JAZF1: variants seen among roughly 807,000 people sequenced by gnomAD.
JAZF1 encodes JAZF zinc finger 1, also known as juxtaposed with another zinc finger protein 1.
JAZF1 carries 8 observed loss-of-function variants against 26.4 expected under a neutral mutation model. That is an observed-to-expected ratio of 0.30 (90% CI 0.18 to 0.55). The LOEUF is 0.55. JAZF1 is among the 20% of genes least tolerant of loss of function. The pLI is 0.94. For missense variants in JAZF1, 199 were observed against 322.0 expected (o/e 0.62, Z 2.92); for synonymous variants, 126 against 122.3 (o/e 1.03, Z -0.20).
chr7:28,131,115 T>C (rs1347931020), intron 1 of JAZF1, among the ~76,000 whole-genome samples: 1 of 152,154 alleles, frequency 6.6e-6, no homozygotes, highest in Non-Finnish European at 1.5e-5. Context: ...TTCTGGAGCT[T>C]TTAACTTAAT....
Position 28,180,603 on chromosome 7 carries a change from T to G in JAZF1, c.-26A>C, listed in dbSNP as rs781079284. 2.2e-5 allele frequency: 33 copies of G among 1,500,412 alleles called. No individual in the cohort carries two copies. The highest frequency in any genetic ancestry group is 2.8e-5 in the Non-Finnish European group (31 of 1,110,276). 92.9% of individuals were successfully genotyped at this position (1,500,412 alleles called of 1,614,324 possible). ...GGTGCTACATCGAGAGCCCCCCTGGTGTCGGCTCTGCGAGCGCCGGGCGGG... is the reference window on the plus strand; with the variant it reads ...GGTGCTACATCGAGAGCCCCCCTGGGGTCGGCTCTGCGAGCGCCGGGCGGG... On this transcript the variant is annotated 5_prime_UTR_variant, in exon 1 of 5. Transcript: ENST00000283928.
chr7:28,083,987 T>G (rs1008377301), intron 1 of JAZF1, among the ~76,000 whole-genome samples: 1 of 152,074 alleles, frequency 6.6e-6, no homozygotes, highest in African/African-American at 2.4e-5. Context: ...AATAGTGAAA[T>G]AGCTTGTTTC....
chr7:27,987,108 G>C (rs142535304), intron 2 of JAZF1, among the ~76,000 whole-genome samples: 1 of 151,556 alleles, frequency 6.6e-6, no homozygotes, highest in African/African-American at 2.4e-5. Context: ...GTCTCTGCCT[G>C]GCCACCCATC....
chr7:28,028,798 G>A (rs1783134833), intron 1 of JAZF1, among the ~76,000 whole-genome samples: 1 of 152,174 alleles, frequency 6.6e-6, no homozygotes, highest in Non-Finnish European at 1.5e-5. Context: ...GGATGCAAAA[G>A]TGAATTAAGT....
chr7:28,009,916 T>G (rs1364420734), intron 1 of JAZF1, among the ~76,000 whole-genome samples: 1 of 152,254 alleles, frequency 6.6e-6, no homozygotes, highest in African/African-American at 2.4e-5. Context: ...ATGTCATGTG[T>G]TAAGTCCACT....
At chr7:28,011,550 A>G (rs188557241) in intron 1 of JAZF1, among the ~76,000 whole-genome samples, 3 of 152,360 alleles carry the variant, frequency 2.0e-5, no homozygotes, top group Admixed American at 2.0e-4. Flanking sequence ...TGGGCTTGGT[A>G]AACATTTACG....
In JAZF1 at chr7:27,902,744, C is replaced by T. The variant is rs149631736; in HGVS notation, c.189-7328G>A. Among the ~76,000 whole-genome samples, 85 of 152,254 alleles carry T rather than the reference C, an allele frequency of 5.6e-4. No homozygotes were observed. In the East Asian group the frequency reaches 0.016, roughly 28 times the overall value. On this transcript the variant is annotated intron_variant, in intron 2 of 4. Transcript: ENST00000283928. ...AAAGAAGTGATTAACATGCTGGGCA[C>T]GGTGGCTCACGCCTGTAATCCCAGC...
At chr7:27,892,197 G>A (rs977614163) in intron 3 of JAZF1, among the ~76,000 whole-genome samples, 1 of 152,182 alleles carries the variant, frequency 6.6e-6, no homozygotes, top group Non-Finnish European at 1.5e-5. Flanking sequence ...GTACGTGGTA[G>A]GGGTTTAAGA....
chr7:27,956,924 C>G (rs116471449), intron 2 of JAZF1, among the ~76,000 whole-genome samples: 1 of 152,212 alleles, frequency 6.6e-6, no homozygotes, highest in Non-Finnish European at 1.5e-5. Context: ...TGTGAGATCA[C>G]GCTGAGGCAA....
intron 1 of JAZF1, among the ~76,000 whole-genome samples, chr7:28,054,216 AT>A: frequency 6.6e-6 from 1 of 152,298 alleles, no homozygotes; most frequent in African/African-American, 2.4e-5. Context: ...AATCAATACC[AT>A]TTATCTATTA....
At chr7:27,951,726 C>T (rs1035265630) in intron 2 of JAZF1, among the ~76,000 whole-genome samples, 31 of 152,334 alleles carry the variant, frequency 2.0e-4, no homozygotes, top group African/African-American at 7.2e-4. Context: ...TGGTCCCACA[C>T]TATTGGAACA....
At chr7:27,917,070 C>T (rs1784454105) in intron 2 of JAZF1, among the ~76,000 whole-genome samples, 1 of 152,188 alleles carries the variant, frequency 6.6e-6, no homozygotes. Context: ...GAGATCTCAC[C>T]TCTTAAAAAA....
At chr7:28,008,521 T>C (rs969507313) in intron 1 of JAZF1, among the ~76,000 whole-genome samples, 1 of 152,236 alleles carries the variant, frequency 6.6e-6, no homozygotes, top group South Asian at 2.1e-4. Context: ...GACAAGGTGG[T>C]CTGAGAGTCA....
rs954500580 is a variant in JAZF1 at position 28,153,266 on chromosome 7, T to C, written c.115+27197A>G. Among the ~76,000 whole-genome samples, 369 of 152,106 alleles carry C rather than the reference T, an allele frequency of 2.4e-3. 11 individuals carry two copies. The highest frequency in any genetic ancestry group is 0.022 in the Admixed American group (329 of 15,284). On this transcript the variant is annotated intron_variant, in intron 1 of 4. Transcript: ENST00000283928. ...AAAATGTTTGCTGAAATAAAACTAA[T>C]GAAATGTAAGCATCAGGCTCTTTGC...
At chr7:28,106,285 TG>T (rs1784552348) in intron 1 of JAZF1, among the ~76,000 whole-genome samples, 1 of 152,184 alleles carries the variant, frequency 6.6e-6, no homozygotes, top group African/African-American at 2.4e-5. Context: ...AACTCCACAT[TG>T]GGGTTGATAT....
intron 3 of JAZF1, among the ~76,000 whole-genome samples, chr7:27,845,412 A>C (rs960553588): frequency 6.6e-6 from 1 of 152,100 alleles, no homozygotes; most frequent in Non-Finnish European, 1.5e-5. Context: ...GAAGTTAGTG[A>C]CTAGGGCTGG....
intron 1 of JAZF1, among the ~76,000 whole-genome samples, chr7:28,127,297 C>A (rs139615929): frequency 4.8e-4 from 73 of 152,288 alleles, no homozygotes; most frequent in Middle Eastern, 6.8e-3. Context: ...TTTAGAGAAA[C>A]ATGTGTAACC....
chr7:28,128,479 G>A (rs560643852), intron 1 of JAZF1, among the ~76,000 whole-genome samples: 1 of 152,184 alleles, frequency 6.6e-6, no homozygotes, highest in East Asian at 1.9e-4. Context: ...CTGAAGTTGT[G>A]CCACTGCACT....
intron 1 of JAZF1, among the ~76,000 whole-genome samples, chr7:27,995,420 A>G (rs1356070640): frequency 6.6e-6 from 1 of 152,200 alleles, no homozygotes; most frequent in East Asian, 1.9e-4. Flanking sequence ...AAGTGACAGG[A>G]AGATAAACTC....
Sources: allele counts gnomAD v4.1 joint callset (sites outside exome capture counted in the v4.1 genomes callset), GRCh38; gene constraint gnomAD v4.1.1; transcripts MANE v1.5; gene names NCBI Gene and HGNC (gene_info 2026-07-23, HGNC 2026-07-21).